Variants in GSN observed in about 807,000 individuals in gnomAD.
The protein encoded by GSN is gelsolin, also known as actin-depolymerizing factor.
GSN carries 56 observed loss-of-function variants against 85.7 expected under a neutral mutation model. The observed-to-expected ratio is 0.65, with a 90% CI of 0.53 to 0.82. The LOEUF (loss-of-function observed/expected upper bound fraction) is 0.82. GSN is among the 40% of genes least tolerant of loss of function. The pLI, the probability that GSN is intolerant of heterozygous loss-of-function variation, is 0.00. For synonymous variants in GSN, 373 were observed against 399.1 expected (o/e 0.93, Z 0.78); for missense variants, 857 against 979.8 (o/e 0.87, Z 1.67).
chr9:121,325,628 G>A (rs1163335650), intron 12 of GSN, among the ~76,000 whole-genome samples: 4 of 152,104 alleles, frequency 2.6e-5, no homozygotes, highest in Non-Finnish European at 4.4e-5. Context: ...TAGGGGAAGC[G>A]GACAACAACT....
chr9:121,246,871 A>C (rs2054709732), intron 5 of GSN, among the ~76,000 whole-genome samples: 1 of 152,204 alleles, frequency 6.6e-6, no homozygotes, highest in African/African-American at 2.4e-5. Context: ...TGTCCCGTCC[A>C]GTGGGGAGGG....
At chr9:121,330,383 G>A (rs1187447245) in intron 16 of GSN, among the ~76,000 whole-genome samples, 1 of 152,180 alleles carries the variant, frequency 6.6e-6, no homozygotes, top group East Asian at 1.9e-4. Context: ...GACCAGCCTG[G>A]CCAACATGGT....
chr9:121,220,476 T>C (rs1391804325), intron 4 of GSN, among the ~76,000 whole-genome samples: 1 of 101,170 alleles, frequency 9.9e-6, no homozygotes, highest in African/African-American at 2.7e-5. Context: ...ACACATCCAT[T>C]TTGCAGGTGA....
At chr9:121,327,170 G>A (rs749368972) in intron 13 of GSN, 138 bp from the exon 14 acceptor site, 7 of 804,404 alleles carry the variant, frequency 8.7e-6, no homozygotes, top group South Asian at 6.8e-5. Context: ...TCCAAAGTCT[G>A]TGCCCTCAGC....
intron 4 of GSN, among the ~76,000 whole-genome samples, chr9:121,307,069 G>A (rs902578931): frequency 7.2e-5 from 11 of 152,074 alleles, no homozygotes; most frequent in African/African-American, 1.9e-4. Flanking sequence ...TAATCTCAGC[G>A]ACTCAGGAGG....
chr9:121,203,919 T>C (rs1007209975), upstream of GSN, among the ~76,000 whole-genome samples: 2 of 152,254 alleles, frequency 1.3e-5, no homozygotes, highest in Non-Finnish European at 2.9e-5. Context: ...TCTAGGCTTC[T>C]ATTTCCACAT....
chr9:121,313,068 C>T (rs1216716003), intron 6 of GSN: 1 of 154,442 alleles, frequency 6.5e-6, no homozygotes, highest in Admixed American at 6.4e-5. Flanking sequence ...GCCGCATTCT[C>T]CAGTGGGGAG....
In GSN at chr9:121,322,573, G is replaced by C. The variant is rs112618928; in HGVS notation, c.1325+1172G>C. Among the ~76,000 whole-genome samples the C allele has an allele frequency of 8.5e-3, 1,298 of 152,294 alleles. 8 individuals carry two copies. The highest frequency in any genetic ancestry group is 0.011 in the Non-Finnish European group (773 of 68,030). ...AGAGTAAGTTCCCAGAAGTCAGATT[G>C]CTGGGTCAAAGAGTAACTGCACTTG... is the stretch of plus-strand genomic sequence containing the variant. On this transcript the variant is annotated intron_variant, in intron 11 of 17. Coordinates refer to ENST00000432226, the MANE Select transcript of GSN (RefSeq NM_198252.3).
chr9:121,307,665 C>G (rs2060560703), intron 4 of GSN, among the ~76,000 whole-genome samples: 1 of 152,230 alleles, frequency 6.6e-6, no homozygotes, highest in African/African-American at 2.4e-5. Context: ...GACTTCATTG[C>G]ATGCACTTAA....
chr9:121,300,114 G>T, intron 2 of GSN: 1 of 1,609,974 alleles, frequency 6.2e-7, no homozygotes, highest in Non-Finnish European at 8.5e-7. Flanking sequence ...TGGAAAAACT[G>T]TTTTGTTGCT....
Position 121,324,626 on chromosome 9 carries a change from G to T in GSN, c.1398G>T (p.Leu466=). The T allele has an allele frequency of 6.5e-7, 1 of 1,538,348 alleles. No homozygotes were observed. The highest frequency in any genetic ancestry group is 8.8e-7 in the Non-Finnish European group (1 of 1,137,404). The change falls in exon 12 of 18, where the codon CTG becomes CTT. Residue 466 remains leucine, a synonymous_variant. Coordinates refer to ENST00000432226, the MANE Select transcript of GSN (RefSeq NM_198252.3). ...AILTAQLDEE[L]GGTPVQSRVV... ...TGACTGCTCAGCTGGATGAGGAGCT[G>T]GGAGGTACCCCTGTCCAGGTGAGCC...
intron 4 of GSN, among the ~76,000 whole-genome samples, chr9:121,306,194 C>T (rs2060399648): frequency 6.6e-6 from 1 of 152,152 alleles, no homozygotes; most frequent in Admixed American, 6.5e-5. Flanking sequence ...AGGCAGAGAC[C>T]TAGGAGCCCT....
chr9:121,299,840 G>T lies in GSN; in HGVS notation c.-9-2123G>T. On this transcript the variant is annotated intron_variant, in intron 2 of 17. Transcript: ENST00000432226. This position sits in a 1 kb window ranked among gnomAD's most constrained non-coding sequence, Gnocchi z 4.2. The stretch of plus-strand genomic sequence containing the variant: ...ACCCGAGGCCGCGGCTGCCGACTGG[G>T]TCCCCTGCCGCTGTCGCCACCATGG... 1 of 1,348,402 alleles carries T rather than the reference G, an allele frequency of 7.4e-7. No homozygotes were observed. The highest frequency in any genetic ancestry group is 9.6e-7 in the Non-Finnish European group (1 of 1,041,732). 83.5% of individuals were successfully genotyped at this position (1,348,402 alleles called of 1,614,324 possible).
chr9:121,326,589 C>T lies in GSN; in HGVS notation c.1494C>T (p.Gly498=), dbSNP rs746713194. The T allele has an allele frequency of 2.7e-5, 44 of 1,612,834 alleles. No individual in the cohort carries two copies. The South Asian group carries it at 3.0e-4, about 11-fold the overall frequency. Residue 498 remains glycine (G), a synonymous_variant, in exon 13 of 18, where the codon GGC becomes GGT. Coordinates refer to ENST00000432226, the MANE Select transcript of GSN (RefSeq NM_198252.3). ...FGGKPMIIYK[G]GTSREGGQTA... ...GGAAGCCCATGATCATCTACAAGGG[C>T]GGCACCTCCCGCGAGGGCGGGCAGA... is the stretch of plus-strand genomic sequence containing the variant.
intron 4 of GSN, among the ~76,000 whole-genome samples, chr9:121,226,985 T>G (rs935569287): frequency 6.6e-6 from 1 of 152,064 alleles, no homozygotes; most frequent in African/African-American, 2.4e-5. Flanking sequence ...TGCCAGGAGG[T>G]GGTGCACCCC....
At chr9:121,266,452 C>CCTG (rs1315178564), upstream of GSN, among the ~76,000 whole-genome samples, 1 of 152,222 alleles carries the variant, frequency 6.6e-6, no homozygotes, top group Non-Finnish European at 1.5e-5. Context: ...GCATTGGGCC[C>CCTG]CAGGCAGCCT....
chr9:121,255,507 A>G (rs546579822), intron 6 of GSN, among the ~76,000 whole-genome samples: 1 of 152,276 alleles, frequency 6.6e-6, no homozygotes, highest in African/African-American at 2.4e-5. Flanking sequence ...AAGTGCTGAG[A>G]TTATGGGCAT....
chr9:121,323,389 T>TTTTTTTA (rs1554822114), intron 11 of GSN, among the ~76,000 whole-genome samples: 10 of 149,862 alleles, frequency 6.7e-5, no homozygotes, highest in Non-Finnish European at 1.0e-4. Context: ...TTTTTTTTTT[T>TTTTTTTA]AGACAGAGTC....
intron 16 of GSN, among the ~76,000 whole-genome samples, chr9:121,330,370 C>T (rs889435880): frequency 5.9e-5 from 9 of 152,200 alleles, no homozygotes; most frequent in African/African-American, 2.2e-4. Flanking sequence ...GTCAGGAGTT[C>T]AAGACCAGCC....
Sources: allele counts gnomAD v4.1 joint callset (sites outside exome capture counted in the v4.1 genomes callset), GRCh38; gene constraint gnomAD v4.1.1; non-coding constraint Gnocchi (gnomAD v3.1); transcripts MANE v1.5; gene names NCBI Gene and HGNC (gene_info 2026-07-23, HGNC 2026-07-21).